Variants in PLEK observed in about 807,000 individuals in gnomAD.
PLEK encodes the protein platelet 47 kDa protein.
In PLEK, 25 loss-of-function variants were observed where a neutral mutation model predicts 43.9. The ratio of observed to expected loss-of-function variants is 0.57; its 90% CI spans 0.41 to 0.79. PLEK has a LOEUF of 0.79. Among genes scored for constraint, PLEK ranks in the 30% least tolerant of loss-of-function variants. The pLI, the probability that PLEK is intolerant of heterozygous loss-of-function variation, is 0.00. For missense variants in PLEK, 396 were observed against 413.3 expected, an observed-to-expected ratio of 0.96 and a Z score of 0.36; for synonymous variants, 152 against 144.4, an observed-to-expected ratio of 1.05 and a Z score of -0.38.
intron 4 of PLEK, among the ~76,000 whole-genome samples, chr2:68,383,039 AG>A (rs1341867080): frequency 6.6e-6 from 1 of 152,230 alleles, no homozygotes; most frequent in Non-Finnish European, 1.5e-5. Flanking sequence ...GCACAGGGTC[AG>A]GTATTAAGTG....
rs1673955638 is a variant in PLEK, at chr2:68,395,979, TC to T, written c.*167del. ...TAACTCACCATGTGGTGTGCAAGGT[TC>T]CCCTGCATTGTATTGCTCACTGCAG... is the stretch of plus-strand genomic sequence containing the variant. On this transcript the variant is annotated 3_prime_UTR_variant, in exon 9 of 9. Coordinates refer to ENST00000234313, the MANE Select transcript of PLEK (RefSeq NM_002664.3). 3.1e-6 allele frequency: 2 copies of T among 642,600 alleles called. No individual in the cohort carries two copies. Among genetic ancestry groups the T allele is most frequent in the East Asian group, 2.8e-5 (1 of 36,214 alleles). The allele number at this position is 642,600 out of a possible 1,614,324, so 39.8% of individuals were successfully genotyped here.
At chr2:68,389,508 G>A (rs1190828419) in intron 6 of PLEK, among the ~76,000 whole-genome samples, 3 of 152,190 alleles carry the variant, frequency 2.0e-5, no homozygotes, top group Admixed American at 6.5e-5. Context: ...GGAAGAACCA[G>A]AGAAGAGCCC....
chr2:68,387,883 A>G (rs533072430), intron 5 of PLEK: 25 of 152,878 alleles, frequency 1.6e-4, no homozygotes, highest in African/African-American at 6.0e-4. Context: ...CTGATTCATC[A>G]TCTACTTTTG....
chr2:68,390,834 C>A (rs1310146550), intron 6 of PLEK, among the ~76,000 whole-genome samples: 1 of 152,152 alleles, frequency 6.6e-6, no homozygotes, highest in Non-Finnish European at 1.5e-5. Flanking sequence ...GATAAATAAT[C>A]CTACTTGGCA....
At chr2:68,395,475 A>G (rs180848922) in intron 8 of PLEK, among the ~76,000 whole-genome samples, 5 of 152,260 alleles carry the variant, frequency 3.3e-5, no homozygotes, top group Admixed American at 2.0e-4. Context: ...ACACAGTCAT[A>G]CTATGTATCT....
chr2:68,386,893 C>G (rs758345153), intron 5 of PLEK, among the ~76,000 whole-genome samples: 1 of 152,132 alleles, frequency 6.6e-6, no homozygotes, highest in Non-Finnish European at 1.5e-5. Context: ...GCTGCCCTCT[C>G]TACAACACTC....
At chr2:68,379,178 G>A (rs80257233) in intron 1 of PLEK, among the ~76,000 whole-genome samples, 2,613 of 152,044 alleles carry the variant, frequency 0.017, 69 homozygotes, top group African/African-American at 0.06. Flanking sequence ...GAGACAGAGA[G>A]AGAGTGCTTG....
chr2:68,395,386 A>C (rs1465663661), intron 8 of PLEK, among the ~76,000 whole-genome samples: 1 of 152,070 alleles, frequency 6.6e-6, no homozygotes, highest in African/African-American at 2.4e-5. Flanking sequence ...AAAGGTGAGA[A>C]ATTTAGTTTG....
chr2:68,370,301 C>A (rs893663530), intron 1 of PLEK, among the ~76,000 whole-genome samples: 5 of 152,108 alleles, frequency 3.3e-5, no homozygotes, highest in African/African-American at 1.2e-4. Flanking sequence ...ACACAAATAT[C>A]CGATTGCCCC....
Position 68,380,771 on chromosome 2 carries a change from G to C in PLEK, c.247G>C (p.Ala83Pro). 1 of 1,614,022 alleles carries C rather than the reference G, an allele frequency of 6.2e-7. No individual in the cohort carries two copies. The highest frequency in any genetic ancestry group is 1.1e-5 in the South Asian group (1 of 91,082). The part of the protein sequence containing the change: ...TTKQQDHFFQ[A>P]AFLEERDAWV... ...CAAACAGCAGGACCACTTCTTCCAG[G>C]CAGCCTTCCTGGAGGAGAGAGATGC... The change falls in exon 3 of 9, where the codon GCA (alanine) becomes CCA (proline). Residue 83 changes from alanine to proline, a missense_variant. Coordinates refer to ENST00000234313, the MANE Select transcript of PLEK (RefSeq NM_002664.3).
intron 4 of PLEK, among the ~76,000 whole-genome samples, chr2:68,384,015 C>T (rs1036698775): frequency 5.3e-5 from 8 of 152,036 alleles, no homozygotes; most frequent in South Asian, 2.1e-4. Context: ...CTATCAGGAC[C>T]GAGGTCACTG....
At chr2:68,395,618 G>A in intron 8 of PLEK, 62 bp from the exon 9 acceptor site, 1 of 1,580,526 alleles carries the variant, frequency 6.3e-7, no homozygotes, top group African/African-American at 1.3e-5. Context: ...TTGCAGAGGA[G>A]GGTGGAGCAA....
chr2:68,376,669 G>C (rs1673508589), intron 1 of PLEK, among the ~76,000 whole-genome samples: 1 of 151,550 alleles, frequency 6.6e-6, no homozygotes, highest in Non-Finnish European at 1.5e-5. Context: ...GTATTTATAG[G>C]GTACATGAGA....
chr2:68,382,409 C>G, intron 3 of PLEK, 133 bp from the exon 4 acceptor site: 1 of 607,666 alleles, frequency 1.6e-6, no homozygotes. Flanking sequence ...GGAGATTAAG[C>G]TCAGGGGATA....
Position 68,380,845 on chromosome 2 carries a change from G to C in PLEK, c.321G>C (p.Gln107His). 7 of 1,614,090 alleles carry C rather than the reference G, an allele frequency of 4.3e-6. No homozygotes were observed. The highest frequency in any genetic ancestry group is 5.9e-6 in the Non-Finnish European group (7 of 1,179,958). ...KKAIKCIEGG[Q>H]KFARKSTRRS... ...CCATTAAATGCATTGAAGGAGGCCA[G>C]AAATTTGCCAGGAAATCTACCAGGA... is the stretch of plus-strand genomic sequence containing the variant. The change falls in exon 3 of 9, where the codon CAG becomes CAC. Residue 107 changes from glutamine to histidine, a missense_variant. By Grantham distance (24) the Gln-to-His change is conservative. Coordinates refer to ENST00000234313, the MANE Select transcript of PLEK (RefSeq NM_002664.3).
In PLEK at chr2:68,396,688, T is replaced by C. The variant is rs1337239524; in HGVS notation, c.*872T>C. The C allele has an allele frequency of 6.8e-6, 1 of 146,980 alleles. No individual in the cohort carries two copies. The highest frequency in any genetic ancestry group is 2.6e-5 in the African/African-American group (1 of 39,064). The allele number at this position is 146,980 out of a possible 1,614,324, so 9.1% of individuals were successfully genotyped here. Reference sequence around the variant, plus strand: ...GGAGGGGGACCCCACATCTGTGAGATTCTGTTTCATTTGAGGTTTACAGAA... The same window carrying C: ...GGAGGGGGACCCCACATCTGTGAGACTCTGTTTCATTTGAGGTTTACAGAA... On this transcript the variant is annotated 3_prime_UTR_variant, in exon 9 of 9. Transcript: ENST00000234313.
intron 6 of PLEK, among the ~76,000 whole-genome samples, chr2:68,390,196 G>A (rs1673831946): frequency 1.3e-5 from 2 of 152,166 alleles, no homozygotes; most frequent in African/African-American, 2.4e-5. Context: ...GTTTTCCTTT[G>A]CCTTCCTTTG....
chr2:68,393,818 G>C (rs1673907044), intron 7 of PLEK, among the ~76,000 whole-genome samples: 2 of 152,012 alleles, frequency 1.3e-5, no homozygotes, highest in Non-Finnish European at 2.9e-5. Context: ...TTTTTTAGTG[G>C]GATACAGTGA....
chr2:68,379,073 G>T (rs1220404260), intron 1 of PLEK, among the ~76,000 whole-genome samples: 4 of 152,172 alleles, frequency 2.6e-5, no homozygotes, highest in Admixed American at 2.6e-4. Context: ...GGCGGAGCTT[G>T]CAGTGAGCTG....
Sources: gnomAD v4.1 joint callset for allele counts (sites outside exome capture counted in the v4.1 genomes callset) on GRCh38, gnomAD v4.1.1 for gene constraint, MANE v1.5 for transcripts, NCBI Gene and HGNC (gene_info 2026-07-23, HGNC 2026-07-21) for gene names.